PTCHD1: variants seen among roughly 807,000 people sequenced by gnomAD.
PTCHD1 encodes the protein patched domain-containing protein 1.
A neutral mutation model predicts 34.6 loss-of-function variants in PTCHD1; 3 were observed. The ratio of observed to expected loss-of-function variants is 0.09; its 90% CI spans 0.04 to 0.22. The LOEUF (loss-of-function observed/expected upper bound fraction) is 0.22, where lower values mean the gene tolerates loss of function less well. PTCHD1 is among the 10% of genes least tolerant of loss of function. The pLI is 1.00. For missense variants in PTCHD1, 504 were observed against 685.5 expected (o/e 0.74, Z 2.96); for synonymous variants, 305 against 283.1 (o/e 1.08, Z -0.77).
chrX:23,367,347 T>G (rs1429549444), intron 1 of PTCHD1, among the ~76,000 whole-genome samples: 3 of 112,151 alleles, frequency 2.7e-5, no homozygotes, highest in African/African-American at 9.7e-5. Context: ...ACTTCACATC[T>G]GCAAGCCTTG....
At chrX:23,337,589 G>C (rs1045178227) in intron 1 of PTCHD1, among the ~76,000 whole-genome samples, 1 of 109,640 alleles carries the variant, frequency 9.1e-6, no homozygotes, top group Non-Finnish European at 1.9e-5. Context: ...AGGAGTGAAA[G>C]AATCACTGTT....
chrX:23,335,167 G>C lies in PTCHD1; in HGVS notation c.292G>C (p.Val98Leu), dbSNP rs771692412. 1 of 1,211,885 alleles carries C rather than the reference G, an allele frequency of 8.3e-7. No individual in the cohort carries two copies. Among genetic ancestry groups the C allele is most frequent in the Admixed American group, 2.2e-5 (1 of 46,145 alleles). Reference protein sequence around the residue: ...QTPGRYGRVIVTSFQKANMLD... With the variant: ...QTPGRYGRVILTSFQKANMLD... The stretch of plus-strand genomic sequence containing the variant: ...CCCCGGGCGCTACGGCCGGGTCATC[G>C]TCACCTCCTTCCAGAAAGCCAACAT... The change falls in exon 1 of 3, where the codon GTC becomes CTC. Residue 98 changes from valine to leucine, a missense_variant. Physicochemically the swap from Val to Leu is conservative, Grantham distance 32 (BLOSUM62 1). Coordinates refer to ENST00000379361, the MANE Select transcript of PTCHD1 (RefSeq NM_173495.3).
chrX:23,369,150 T>C (rs1270437006), intron 1 of PTCHD1, among the ~76,000 whole-genome samples: 2 of 112,458 alleles, frequency 1.8e-5, no homozygotes, highest in Non-Finnish European at 3.7e-5. Flanking sequence ...ACATCTGTTT[T>C]CTTCATCTCC....
intron 1 of PTCHD1, among the ~76,000 whole-genome samples, chrX:23,367,807 T>C (rs1922186623): frequency 8.9e-6 from 1 of 111,757 alleles, no homozygotes; most frequent in Non-Finnish European, 1.9e-5. Flanking sequence ...AGCAGTGGGC[T>C]ACAAACCAAA....
chrX:23,375,069 A>T (rs1469761047), intron 1 of PTCHD1, among the ~76,000 whole-genome samples: 1 of 111,838 alleles, frequency 8.9e-6, no homozygotes, highest in Non-Finnish European at 1.9e-5. Flanking sequence ...TAGCAACACC[A>T]GAGGCTGGAT....
chrX:23,395,273 A>G lies in PTCHD1; in HGVS notation c.*1088A>G, dbSNP rs956398381. 1 of 112,629 alleles carries G rather than the reference A, an allele frequency of 8.9e-6. No individual in the cohort carries two copies. Among genetic ancestry groups the G allele is most frequent in the Admixed American group, 9.4e-5 (1 of 10,637 alleles). 9.3% of individuals were successfully genotyped at this position (112,629 alleles called of 1,213,427 possible). On this transcript the variant is annotated 3_prime_UTR_variant, in exon 3 of 3. Coordinates refer to ENST00000379361, the MANE Select transcript of PTCHD1 (RefSeq NM_173495.3). ...AAATAGTTATTTGCTGTTGCTTCCA[A>G]CTTGTAGTGCCAGTCTGCCTTTGCT...
chrX:23,351,288 A>G, intron 1 of PTCHD1: 1 of 847,533 alleles, frequency 1.2e-6, no homozygotes, highest in Non-Finnish European at 1.8e-6. Context: ...TGTTCACACA[A>G]AAGATGTTGG....
chrX:23,379,496 G>T, intron 1 of PTCHD1, 95 bp from the exon 2 acceptor site: 2 of 898,063 alleles, frequency 2.2e-6, no homozygotes, highest in Admixed American at 2.4e-5. Flanking sequence ...CATTTGATTT[G>T]AACTGTTTAG....
At chrX:23,383,626 T>C (rs868740893) in intron 2 of PTCHD1, among the ~76,000 whole-genome samples, 2 of 111,643 alleles carry the variant, frequency 1.8e-5, no homozygotes, top group African/African-American at 6.5e-5. Flanking sequence ...GATGTAAGCA[T>C]AGATACATCA....
chrX:23,342,968 G>A (rs779233618), intron 1 of PTCHD1, among the ~76,000 whole-genome samples: 4 of 112,173 alleles, frequency 3.6e-5, no homozygotes, highest in East Asian at 5.6e-4. Context: ...TCTCTTAAGA[G>A]AGGTAATGAA....
chrX:23,352,056 AAAG>A (rs1328378306), intron 1 of PTCHD1, among the ~76,000 whole-genome samples: 2 of 111,975 alleles, frequency 1.8e-5, no homozygotes, highest in African/African-American at 6.5e-5. Flanking sequence ...ACTGTACTAG[AAAG>A]AAGGAAAGGA....
At chrX:23,375,435 G>A (rs957386911) in intron 1 of PTCHD1, among the ~76,000 whole-genome samples, 1 of 109,188 alleles carries the variant, frequency 9.2e-6, no homozygotes, top group Non-Finnish European at 1.9e-5. Flanking sequence ...GATAACAGGC[G>A]CACACACCAC....
intron 1 of PTCHD1, among the ~76,000 whole-genome samples, chrX:23,352,600 G>A (rs1921668235): frequency 9.0e-6 from 1 of 111,397 alleles, no homozygotes; most frequent in African/African-American, 3.3e-5. Context: ...CTTAAATAGA[G>A]GTTGGGATGG....
In PTCHD1 at chrX:23,402,573, A is replaced by C. The variant is rs747902414; in HGVS notation, c.*8388A>C. The C allele has an allele frequency of 8.9e-6, 1 of 112,039 alleles. No individual in the cohort carries two copies. Among genetic ancestry groups the C allele is most frequent in the Non-Finnish European group, 1.9e-5 (1 of 53,216 alleles). The allele number at this position is 112,039 out of a possible 1,213,427, so 9.2% of individuals were successfully genotyped here. A position where few individuals can be genotyped will look rare whatever the true frequency, so the allele number is the denominator to read the frequency against. ...TAAAGAGACCCCATATTCTCTTTTG[A>C]ATTATTGACCTATAATTCCTCTTCA... is the stretch of plus-strand genomic sequence containing the variant. On this transcript the variant is annotated 3_prime_UTR_variant, in exon 3 of 3. Transcript: ENST00000379361.
chrX:23,341,989 G>A (rs1921322206), intron 1 of PTCHD1, among the ~76,000 whole-genome samples: 1 of 110,114 alleles, frequency 9.1e-6, no homozygotes, highest in Non-Finnish European at 1.9e-5. Flanking sequence ...GTTATCTTGG[G>A]AGGTGATATC....
chrX:23,355,805 T>G (rs1195853176), intron 1 of PTCHD1, among the ~76,000 whole-genome samples: 1 of 112,233 alleles, frequency 8.9e-6, no homozygotes, highest in Non-Finnish European at 1.9e-5. Context: ...TTTTAAATAT[T>G]TAAATATTCT....
rs373118782 is a variant in PTCHD1 at position 23,402,717 on chromosome X, T to C, written c.*8532T>C. 2.7e-5 allele frequency: 3 copies of C among 112,442 alleles called. No homozygotes were observed. Among genetic ancestry groups the C allele is most frequent in the East Asian group, 2.8e-4 (1 of 3,587 alleles). 9.3% of individuals were successfully genotyped at this position (112,442 alleles called of 1,213,427 possible). A position where few individuals can be genotyped will look rare whatever the true frequency, so the allele number is the denominator to read the frequency against. On this transcript the variant is annotated 3_prime_UTR_variant, in exon 3 of 3. Coordinates refer to ENST00000379361, the MANE Select transcript of PTCHD1 (RefSeq NM_173495.3). ...ACCCTTGAGCAAAATTATTGAATTATTGAATGCTAGGCCCAAACAAAAGAA... is the reference window on the plus strand; with the variant it reads ...ACCCTTGAGCAAAATTATTGAATTACTGAATGCTAGGCCCAAACAAAAGAA...
intron 1 of PTCHD1, among the ~76,000 whole-genome samples, chrX:23,359,922 G>A (rs1172832224): frequency 5.4e-5 from 6 of 111,426 alleles, no homozygotes; most frequent in Admixed American, 2.9e-4. Context: ...GATTTTTGTC[G>A]ATGGTTCTGT....
intron 1 of PTCHD1, among the ~76,000 whole-genome samples, chrX:23,373,448 G>A (rs968397498): frequency 7.1e-5 from 8 of 112,841 alleles, no homozygotes; most frequent in Non-Finnish European, 1.3e-4. Flanking sequence ...CACTTGTTTG[G>A]CTATATCCAC....
Sources: allele counts gnomAD v4.1 joint callset (sites outside exome capture counted in the v4.1 genomes callset), GRCh38; gene constraint gnomAD v4.1.1; transcripts MANE v1.5; gene names NCBI Gene and HGNC (gene_info 2026-07-23, HGNC 2026-07-21).